The following SIM2 variants were observed in gnomAD, a reference collection of about 807,000 sequenced individuals.
SIM2 encodes SIM bHLH transcription factor 2.
SIM2 carries 28 observed loss-of-function variants against 64.8 expected under a neutral mutation model. The ratio of observed to expected loss-of-function variants is 0.43; its 90% CI spans 0.32 to 0.59. The LOEUF (loss-of-function observed/expected upper bound fraction) is 0.59. Among genes scored for constraint, SIM2 ranks in the 20% least tolerant of loss-of-function variants. SIM2 has a pLI of 0.07. For missense variants in SIM2, 847 were observed against 871.4 expected, an observed-to-expected ratio of 0.97 and a Z score of 0.35; for synonymous variants, 408 against 391.1, an observed-to-expected ratio of 1.04 and a Z score of -0.51.
chr21:36,726,429 A>T lies in SIM2; in HGVS notation c.743+111A>T. ...CAAATCATAACAAGGAATAAGTCAT[A>T]ATAGGAATGTGGATTAAGCAAAACC... On this transcript the variant is annotated intron_variant, in intron 6 of 10. Coordinates refer to ENST00000290399, the MANE Select transcript of SIM2 (RefSeq NM_005069.6). This position sits in a 1 kb window ranked among gnomAD's most constrained non-coding sequence, Gnocchi z 4.5. The T allele has an allele frequency of 1.1e-6, 1 of 946,730 alleles. No homozygotes were observed. Among genetic ancestry groups the T allele is most frequent in the Non-Finnish European group, 1.6e-6 (1 of 632,690 alleles). The allele number at this position is 946,730 out of a possible 1,614,324, so 58.6% of individuals were successfully genotyped here.
At chr21:36,741,123 C>T (rs1037609028) in intron 7 of SIM2, among the ~76,000 whole-genome samples, 5 of 152,178 alleles carry the variant, frequency 3.3e-5, no homozygotes, top group Non-Finnish European at 7.3e-5. Context: ...ACTCTGCAGC[C>T]AAGTAGAGGT....
chr21:36,736,825 TTTC>T (rs1416787697), intron 7 of SIM2, among the ~76,000 whole-genome samples: 4 of 145,180 alleles, frequency 2.8e-5, no homozygotes, highest in African/African-American at 8.2e-5. Flanking sequence ...CCTCCCTCCC[TTTC>T]TTCTTTCTTT....
chr21:36,715,535 T>C (rs2088735682), intron 3 of SIM2, among the ~76,000 whole-genome samples: 1 of 152,184 alleles, frequency 6.6e-6, no homozygotes, highest in Non-Finnish European at 1.5e-5. Context: ...TGAATAACGA[T>C]AGTAGTAATA....
intron 6 of SIM2, among the ~76,000 whole-genome samples, chr21:36,728,190 A>C (rs1193203774): frequency 6.6e-6 from 1 of 152,210 alleles, no homozygotes; most frequent in African/African-American, 2.4e-5. Context: ...GGCTGGAAGG[A>C]CATCAGCTGC....
At position 36,699,555 on chromosome 21, in the gene SIM2, T is replaced by TCG. The variant is rs2088452940; in HGVS notation, c.-191_-190dup. 2.2e-6 allele frequency: 1 copy of TCG among 445,430 alleles called. No individual in the cohort carries two copies. The highest frequency in any genetic ancestry group is 3.8e-6 in the Non-Finnish European group (1 of 260,538). The allele number at this position is 445,430 out of a possible 1,614,324, so 27.6% of individuals were successfully genotyped here. On this transcript the variant is annotated 5_prime_UTR_variant, in exon 1 of 11. Transcript: ENST00000290399. This position sits in a 1 kb window ranked among gnomAD's most constrained non-coding sequence, Gnocchi z 5.6. ...GCGGCGGGCGGCGCCGCCGGGTTGC[T>TCG]CGGAGCTCAGGCCCGGCGGCTGCGG...
chr21:36,708,678 G>A (rs914115731), intron 1 of SIM2, among the ~76,000 whole-genome samples: 26 of 152,206 alleles, frequency 1.7e-4, no homozygotes, highest in Admixed American at 3.3e-4. Flanking sequence ...TGGGCGGCGG[G>A]GACTTTCTGT....
chr21:36,740,740 G>A (rs2089149243), intron 7 of SIM2, among the ~76,000 whole-genome samples: 1 of 152,162 alleles, frequency 6.6e-6, no homozygotes. Context: ...ACCTTGGGGA[G>A]TTTCCTTCAG....
rs950282689 is a variant in SIM2 at position 36,711,872 on chromosome 21, G to A, written c.259-661G>A. On this transcript the variant is annotated intron_variant, in intron 2 of 10. Transcript: ENST00000290399. Reference sequence around the variant, plus strand: ...TTATTTTTGAGGGTTAGCCAACTTAGGAAAAATCAGAATTTCATTTGGGTA... The same window carrying A: ...TTATTTTTGAGGGTTAGCCAACTTAAGAAAAATCAGAATTTCATTTGGGTA... Among the ~76,000 whole-genome samples the A allele has an allele frequency of 2.0e-4, 30 of 152,054 alleles. 1 individual carries two copies. Among genetic ancestry groups the A allele is most frequent in the Admixed American group, 1.8e-3 (28 of 15,266 alleles).
intron 10 of SIM2, chr21:36,746,027 T>A (rs988997631): frequency 6.8e-5 from 78 of 1,149,404 alleles, no homozygotes; most frequent in Admixed American, 9.1e-5. Flanking sequence ...CAGGATTATG[T>A]GCCCCAGGCC....
rs1423940797 is a variant in SIM2, at chr21:36,741,704, C to T, written c.851-13C>T. 6.2e-7 allele frequency: 1 copy of T among 1,611,938 alleles called. No individual in the cohort carries two copies. The highest frequency in any genetic ancestry group is 8.5e-7 in the Non-Finnish European group (1 of 1,179,842). On this transcript the variant is annotated splice_polypyrimidine_tract_variant and intron_variant, in intron 7 of 10. Transcript: ENST00000290399. ...CGAAGCGTCTGAGGACTCCTGTCAC[C>T]TTGTGCTTGCAGTGTTGGTGAAGGG...
At chr21:36,733,762 C>T (rs890777477) in intron 7 of SIM2, among the ~76,000 whole-genome samples, 6 of 152,070 alleles carry the variant, frequency 3.9e-5, no homozygotes, top group African/African-American at 9.7e-5. Context: ...GGGGTTTCAC[C>T]GTGTTAGCCA....
chr21:36,733,462 T>A (rs1394982386), intron 7 of SIM2, among the ~76,000 whole-genome samples: 1 of 151,978 alleles, frequency 6.6e-6, no homozygotes, highest in Non-Finnish European at 1.5e-5. Context: ...TGACCTCAAG[T>A]GGGACTACGG....
In SIM2 at chr21:36,699,770, G is replaced by A. The variant is rs1323862781; in HGVS notation, c.24G>A (p.Ala8=). The A allele has an allele frequency of 6.2e-7, 1 of 1,612,784 alleles. No homozygotes were observed. The highest frequency in any genetic ancestry group is 1.3e-5 in the African/African-American group (1 of 74,800). The part of the protein sequence containing the change: MKEKSKN[A]AKTRREKENG... ...CGATGAAGGAGAAGTCCAAGAATGC[G>A]GCCAAGACCAGGAGGGAGAAGGAAA... The change falls in exon 1 of 11, where the codon GCG becomes GCA. Residue 8 remains alanine (A), a synonymous_variant. Coordinates refer to ENST00000290399, the MANE Select transcript of SIM2 (RefSeq NM_005069.6). This position sits in a 1 kb window ranked among gnomAD's most constrained non-coding sequence, Gnocchi z 5.6.
Position 36,743,459 on chromosome 21 carries a change from G to A in SIM2, c.1071G>A (p.Arg357=). ...VSTAKSQDSW[R]TALSTSQETR... is the part of the protein sequence containing the mutation. ...CTGCCAAGTCCCAGGACTCCTGGAG[G>A]ACCGCCTTGTCTACCTCACAAGAAA... Residue 357 remains arginine, a synonymous_variant, in exon 9 of 11, where the codon AGG becomes AGA. Coordinates refer to ENST00000290399, the MANE Select transcript of SIM2 (RefSeq NM_005069.6). 1 of 1,614,070 alleles carries A rather than the reference G, an allele frequency of 6.2e-7. No homozygotes were observed. The highest frequency in any genetic ancestry group is 1.1e-5 in the South Asian group (1 of 91,078).
chr21:36,700,017 G>A lies in SIM2; in HGVS notation c.175+96G>A. 4 of 1,314,106 alleles carry A rather than the reference G, an allele frequency of 3.0e-6. No individual in the cohort carries two copies. The South Asian group carries it at 5.6e-5, about 18-fold the overall frequency. The allele number at this position is 1,314,106 out of a possible 1,614,324, so 81.4% of individuals were successfully genotyped here. On this transcript the variant is annotated intron_variant, in intron 1 of 10. Coordinates refer to ENST00000290399, the MANE Select transcript of SIM2 (RefSeq NM_005069.6). ...CCAGCCCGCCCAGAGGGGTTGCCGC[G>A]GCCTGGCGTCCAGAGCTGGGGCGTC... is the stretch of plus-strand genomic sequence containing the variant.
At chr21:36,736,846 TTTTC>T (rs1030506253) in intron 7 of SIM2, among the ~76,000 whole-genome samples, 296 of 25,502 alleles carry the variant, frequency 0.012, 5 homozygotes, top group African/African-American at 0.025. Flanking sequence ...TTTCTCTTTC[TTTTC>T]TTTCTTTCTT....
rs80315921 is a variant in SIM2 at position 36,716,000 on chromosome 21, C to T, written c.348+3378C>T. On this transcript the variant is annotated intron_variant, in intron 3 of 10. Transcript: ENST00000290399. ...GACAACCATAAAATGCCAGTTGTCT[C>T]CTCAGCCCAGGGTCCAAGTGTTAGG... Among the ~76,000 whole-genome samples, 1,066 of 152,246 alleles carry T rather than the reference C, an allele frequency of 7.0e-3. 15 individuals carry two copies. The highest frequency in any genetic ancestry group is 0.025 in the African/African-American group (1,019 of 41,542).
chr21:36,721,790 C>A (rs188264524), intron 4 of SIM2, among the ~76,000 whole-genome samples: 3 of 152,136 alleles, frequency 2.0e-5, no homozygotes, highest in Non-Finnish European at 2.9e-5. Flanking sequence ...CCCCTACCCC[C>A]GGTTTCATTT....
intron 7 of SIM2, among the ~76,000 whole-genome samples, chr21:36,737,374 C>A (rs2089078858): frequency 6.6e-6 from 1 of 152,138 alleles, no homozygotes; most frequent in Non-Finnish European, 1.5e-5. Flanking sequence ...CCGAGCTCTG[C>A]CTCCCCGCTT....
Sources: gnomAD v4.1 joint callset for allele counts (sites outside exome capture counted in the v4.1 genomes callset) on GRCh38, gnomAD v4.1.1 for gene constraint, Gnocchi (gnomAD v3.1) non-coding constraint, MANE v1.5 for transcripts, NCBI Gene and HGNC (gene_info 2026-07-23, HGNC 2026-07-21) for gene names.